ACP7: variants seen among roughly 807,000 people sequenced by gnomAD.
The protein encoded by ACP7 is acid phosphatase type 7.
A neutral mutation model predicts 60.6 loss-of-function variants in ACP7; 58 were observed. The ratio of observed to expected loss-of-function variants is 0.96; its 90% confidence interval spans 0.77 to 1.19. The LOEUF (loss-of-function observed/expected upper bound fraction) is 1.19. Among genes scored for constraint, ACP7 ranks in the 50% most tolerant of loss-of-function variants. The pLI, the probability that ACP7 is intolerant of heterozygous loss-of-function variation, is 0.00. For synonymous variants in ACP7, 237 were observed against 232.6 expected (o/e 1.02, Z -0.17); for missense variants, 574 against 596.2 (o/e 0.96, Z 0.39).
intron 2 of ACP7, among the ~76,000 whole-genome samples, chr19:39,086,935 A>G (rs1252759551): frequency 1.3e-5 from 2 of 152,192 alleles, no homozygotes; most frequent in Admixed American, 1.3e-4. Flanking sequence ...ATTTTTAAGG[A>G]ACAAACTGTA....
At chr19:39,105,709 G>A (rs544627071) in intron 11 of ACP7, among the ~76,000 whole-genome samples, 3 of 151,600 alleles carry the variant, frequency 2.0e-5, no homozygotes, top group East Asian at 2.0e-4. Flanking sequence ...ACAGGGTTTC[G>A]CCATGTTGCC....
At chr19:39,093,444 G>A (rs760647158) in intron 2 of ACP7, among the ~76,000 whole-genome samples, 6 of 151,850 alleles carry the variant, frequency 4.0e-5, no homozygotes, top group Admixed American at 6.6e-5. Flanking sequence ...AGTAGAGACC[G>A]GGTTTTGCCA....
At position 39,102,116 on chromosome 19, in the gene ACP7, T is replaced by TCACA. The variant is rs1491334043; in HGVS notation, c.1113+580_1113+581insACAC. Among the ~76,000 whole-genome samples, 5 of 68,204 alleles carry TCACA rather than the reference T, an allele frequency of 7.3e-5. No homozygotes were observed. In the South Asian group the frequency reaches 2.5e-3, roughly 34 times the overall value. The allele number at this position is 68,204 out of a possible 152,430, so 44.7% of individuals were successfully genotyped here. A position where few individuals can be genotyped will look rare whatever the true frequency, so the allele number is the denominator to read the frequency against. On this transcript the variant is annotated intron_variant, in intron 11 of 12. Coordinates refer to ENST00000331256, the MANE Select transcript of ACP7 (RefSeq NM_001004318.3). ...GCCTGGGCAACAAAATGAGACCCTT[T>TCACA]CTCTCACACACACACACACACACAC...
chr19:39,101,036 T>G lies in ACP7; in HGVS notation c.895T>G (p.Cys299Gly). 6.2e-7 allele frequency: 1 copy of G among 1,613,958 alleles called. No homozygotes were observed. Among genetic ancestry groups the G allele is most frequent in the Admixed American group, 1.7e-5 (1 of 60,024 alleles). Residue 299 changes from cysteine to glycine, a missense_variant, in exon 8 of 13, where the codon TGC (cysteine) becomes GGC (glycine). Physicochemically the swap from Cys to Gly is radical, Grantham distance 159. Transcript: ENST00000331256. Reference sequence around the variant, plus strand: ...CTGCTCCAACGCAGATCTGGACGACTGCACACGACATGAAAGCAAGGTGAG... The same window carrying G: ...CTGCTCCAACGCAGATCTGGACGACGGCACACGACATGAAAGCAAGGTGAG... The part of the protein sequence containing the change: ...MYCSNADLDD[C>G]TRHESKVRKG...
chr19:39,107,367 G>A (rs1210502937), intron 12 of ACP7, among the ~76,000 whole-genome samples: 2 of 151,850 alleles, frequency 1.3e-5, no homozygotes, highest in African/African-American at 2.4e-5. Flanking sequence ...CGGATCACAA[G>A]GTCAGGAGAT....
chr19:39,090,594 T>A (rs977584891), intron 2 of ACP7, among the ~76,000 whole-genome samples: 1 of 151,926 alleles, frequency 6.6e-6, no homozygotes, highest in African/African-American at 2.4e-5. Context: ...GTGACCCTCA[T>A]CACTTCTGCC....
chr19:39,110,163 G>C lies in ACP7; in HGVS notation c.*45G>C, dbSNP rs751561263. 6.3e-7 allele frequency: 1 copy of C among 1,576,686 alleles called. No homozygotes were observed. The highest frequency in any genetic ancestry group is 1.7e-4 in the Middle Eastern group (1 of 5,982). On this transcript the variant is annotated 3_prime_UTR_variant, in exon 13 of 13. Transcript: ENST00000331256. ...CCAGAAGCCTAGGTTTTGCCGCCTT[G>C]GCTGCTGTGACCAGAAACTGCCCAG... is the stretch of plus-strand genomic sequence containing the variant.
Position 39,101,175 on chromosome 19 carries a change from T to A in ACP7, c.941T>A (p.Leu314Gln). 6.2e-7 allele frequency: 1 copy of A among 1,614,174 alleles called. No homozygotes were observed. Among genetic ancestry groups the A allele is most frequent in the Non-Finnish European group, 8.5e-7 (1 of 1,180,024 alleles). ...GTCCGCAAAGGCCTCCAAGGCAAGCTGTACGGGTTGGAGGATCTTTTCTAC... is the reference window on the plus strand; with the variant it reads ...GTCCGCAAAGGCCTCCAAGGCAAGCAGTACGGGTTGGAGGATCTTTTCTAC... The part of the protein sequence containing the change: ...SKVRKGLQGK[L>Q]YGLEDLFYKY... Residue 314 changes from leucine (L) to glutamine (Q), a missense_variant, in exon 9 of 13, where the codon CTG becomes CAG. Coordinates refer to ENST00000331256, the MANE Select transcript of ACP7 (RefSeq NM_001004318.3).
intron 2 of ACP7, among the ~76,000 whole-genome samples, chr19:39,097,906 TAC>T (rs2073285578): frequency 6.6e-6 from 1 of 152,102 alleles, no homozygotes; most frequent in Admixed American, 6.6e-5. Flanking sequence ...TTTTCCATTT[TAC>T]AGACAGGAAA....
rs754795293 is a variant in ACP7 at position 39,110,047 on chromosome 19, T to G, written c.1252-6T>G. ...TAACTACTGTCCCTGTTTTTGTCCCTCACAGGATGGGAAGATCGTAGATGA... is the reference window on the plus strand; with the variant it reads ...TAACTACTGTCCCTGTTTTTGTCCCGCACAGGATGGGAAGATCGTAGATGA... On this transcript the variant is annotated splice_polypyrimidine_tract_variant and splice_region_variant and intron_variant, in intron 12 of 12. Coordinates refer to ENST00000331256, the MANE Select transcript of ACP7 (RefSeq NM_001004318.3). The G allele has an allele frequency of 1.5e-5, 24 of 1,613,148 alleles. No homozygotes were observed. Among genetic ancestry groups the G allele is most frequent in the Non-Finnish European group, 2.0e-5 (24 of 1,179,160 alleles).
chr19:39,099,992 CAAAAAAA>C (rs35619428), intron 4 of ACP7, among the ~76,000 whole-genome samples: 2 of 72,522 alleles, frequency 2.8e-5, no homozygotes. Context: ...GACTCTGTCT[CAAAAAAA>C]AAAAAAAAAA....
chr19:39,097,974 G>T (rs1369431988), intron 2 of ACP7, among the ~76,000 whole-genome samples: 4 of 152,002 alleles, frequency 2.6e-5, no homozygotes, highest in Non-Finnish European at 4.4e-5. Flanking sequence ...CTTAGAAATG[G>T]CAGAGCTGGC....
Position 39,092,417 on chromosome 19 carries a change from G to A in ACP7, c.122-6041G>A, listed in dbSNP as rs182497364. 5.0e-4 allele frequency among the ~76,000 whole-genome samples: 76 copies of A among 152,014 alleles called. No individual in the cohort carries two copies. The East Asian group carries it at 0.012, about 24-fold the overall frequency. ...ATAGCAGTTGCAGAATCATTTACAGGTGTGCCTGTGGGAAGCACACGATGC... is the reference window on the plus strand; with the variant it reads ...ATAGCAGTTGCAGAATCATTTACAGATGTGCCTGTGGGAAGCACACGATGC... On this transcript the variant is annotated intron_variant, in intron 2 of 12. Transcript: ENST00000331256.
intron 1 of ACP7, among the ~76,000 whole-genome samples, chr19:39,084,736 C>T (rs377335871): frequency 1.0e-3 from 152 of 151,960 alleles, no homozygotes; most frequent in African/African-American, 3.6e-3. Context: ...TTTCTAACAG[C>T]AGGATGGAAA....
In ACP7 at chr19:39,100,999, C is replaced by T. The variant is rs776109092; in HGVS notation, c.858C>T (p.His286=). The T allele has an allele frequency of 6.2e-7, 1 of 1,613,826 alleles. No homozygotes were observed. Among genetic ancestry groups the T allele is most frequent in the East Asian group, 2.2e-5 (1 of 44,870 alleles). ...GGCCGTGGATCATCACTATGGGGCA[C>T]CGGCCCATGTACTGCTCCAACGCAG... ...AARPWIITMG[H]RPMYCSNADL... Residue 286 remains histidine (H), a synonymous_variant, in exon 8 of 13, where the codon CAC becomes CAT. Coordinates refer to ENST00000331256, the MANE Select transcript of ACP7 (RefSeq NM_001004318.3).
chr19:39,095,566 G>T (rs1433594757), intron 2 of ACP7, among the ~76,000 whole-genome samples: 1 of 152,206 alleles, frequency 6.6e-6, no homozygotes, highest in Non-Finnish European at 1.5e-5. Context: ...TTGAGTTTCT[G>T]CAGCTTTTCC....
At chr19:39,105,656 G>A (rs1306909297) in intron 11 of ACP7, among the ~76,000 whole-genome samples, 1 of 152,044 alleles carries the variant, frequency 6.6e-6, no homozygotes, top group Non-Finnish European at 1.5e-5. Context: ...GAGTAGCTGG[G>A]ATTACAGGCA....
At chr19:39,091,864 T>C (rs2144975551) in intron 2 of ACP7, among the ~76,000 whole-genome samples, 1 of 151,518 alleles carries the variant, frequency 6.6e-6, no homozygotes, top group South Asian at 2.1e-4. Flanking sequence ...TGAACCAAGA[T>C]CACACCACTG....
chr19:39,106,837 A>G, intron 11 of ACP7, 110 bp from the exon 12 acceptor site: 2 of 1,393,788 alleles, frequency 1.4e-6, no homozygotes, highest in South Asian at 1.3e-5. Flanking sequence ...ATGGTGGTCA[A>G]GTCTTCACTG....
Sources: allele counts gnomAD v4.1 joint callset (sites outside exome capture counted in the v4.1 genomes callset), GRCh38; gene constraint gnomAD v4.1.1; transcripts MANE v1.5; gene names NCBI Gene and HGNC (gene_info 2026-07-23, HGNC 2026-07-21).